The following DDC variants were observed in gnomAD, a reference collection of about 807,000 sequenced individuals.
DDC encodes the protein aromatic-L-amino-acid decarboxylase.
DDC carries 43 observed loss-of-function variants against 60.0 expected under a neutral mutation model. The ratio of observed to expected loss-of-function variants is 0.72; its 90% CI spans 0.56 to 0.92. The LOEUF is 0.92. DDC is among the 40% of genes least tolerant of loss of function. The pLI is 0.00. For missense variants in DDC, 573 were observed against 620.2 expected (o/e 0.92, Z 0.81); for synonymous variants, 232 against 234.6 (o/e 0.99, Z 0.10).
chr7:50,530,456 C>T (rs990500117), intron 4 of DDC, among the ~76,000 whole-genome samples: 3 of 152,154 alleles, frequency 2.0e-5, no homozygotes, highest in Non-Finnish European at 2.9e-5. Context: ...TTCTTCGATC[C>T]ACCCAGTCAG....
At chr7:50,459,950 C>T (rs1304064500) in intron 14 of DDC, among the ~76,000 whole-genome samples, 14 of 144,078 alleles carry the variant, frequency 9.7e-5, no homozygotes, top group East Asian at 4.3e-4. Flanking sequence ...GCCCCCTGCC[C>T]GGCCAGCCGC....
intron 9 of DDC, chr7:50,492,936 ACTC>A: frequency 6.3e-7 from 1 of 1,597,376 alleles, no homozygotes; most frequent in Non-Finnish European, 8.5e-7. Flanking sequence ...GAAAGGCTCA[ACTC>A]CTTCTCACCA....
intron 1 of DDC, among the ~76,000 whole-genome samples, chr7:50,544,984 A>G (rs1184244484): frequency 6.6e-6 from 1 of 152,040 alleles, no homozygotes; most frequent in Non-Finnish European, 1.5e-5. Context: ...TCTAACACAT[A>G]TATTTTCTCC....
intron 6 of DDC, among the ~76,000 whole-genome samples, chr7:50,526,883 C>T (rs2044050781): frequency 6.6e-6 from 1 of 152,136 alleles, no homozygotes; most frequent in South Asian, 2.1e-4. Context: ...AAGGGCATCT[C>T]CTAGTGATAA....
intron 1 of DDC, among the ~76,000 whole-genome samples, chr7:50,551,512 C>T (rs1438039962): frequency 1.3e-5 from 2 of 152,106 alleles, no homozygotes; most frequent in Non-Finnish European, 2.9e-5. Flanking sequence ...GGATTACAGG[C>T]GTGAGCCACC....
chr7:50,469,255 TAAAA>T (rs755613984), intron 12 of DDC, among the ~76,000 whole-genome samples: 10 of 56,562 alleles, frequency 1.8e-4, no homozygotes, highest in East Asian at 6.2e-4. Flanking sequence ...ATTGTTATTT[TAAAA>T]AAAAAAAAAA....
At chr7:50,519,376 C>G (rs1036994171) in intron 6 of DDC, among the ~76,000 whole-genome samples, 1 of 152,172 alleles carries the variant, frequency 6.6e-6, no homozygotes, top group African/African-American at 2.4e-5. Flanking sequence ...TTTGATCCAG[C>G]AATCCCACTA....
At chr7:50,497,660 G>A (rs771162749) in intron 8 of DDC, among the ~76,000 whole-genome samples, 16 of 152,270 alleles carry the variant, frequency 1.1e-4, no homozygotes, top group Non-Finnish European at 1.8e-4. Context: ...TATATCAGCT[G>A]GGTACTGGCA....
At chr7:50,510,938 G>A (rs1245153778) in intron 6 of DDC, among the ~76,000 whole-genome samples, 6 of 130,716 alleles carry the variant, frequency 4.6e-5, no homozygotes, top group African/African-American at 8.7e-5. Flanking sequence ...CCGAGATAGC[G>A]CCACTGCACT....
intron 1 of DDC, among the ~76,000 whole-genome samples, chr7:50,556,866 TAGAA>T (rs2045206309): frequency 1.3e-5 from 2 of 152,152 alleles, no homozygotes; most frequent in Admixed American, 1.3e-4. Context: ...TCATGAAGAA[TAGAA>T]AGAATGGTGG....
chr7:50,463,545 A>T, intron 13 of DDC, 114 bp from the exon 14 acceptor site: 1 of 873,376 alleles, frequency 1.1e-6, no homozygotes, highest in South Asian at 1.4e-5. Context: ...GAAGAAGCCG[A>T]CTAACCATCC....
chr7:50,498,203 G>A (rs138697025), intron 8 of DDC, among the ~76,000 whole-genome samples: 42 of 152,296 alleles, frequency 2.8e-4, no homozygotes, highest in East Asian at 1.5e-3. Context: ...TATCTAACTC[G>A]CCCAAGGGTA....
intron 13 of DDC, among the ~76,000 whole-genome samples, chr7:50,465,778 AAAC>A (rs1471053922): frequency 2.2e-4 from 34 of 152,370 alleles, no homozygotes; most frequent in Admixed American, 2.2e-3. Flanking sequence ...ACAAGAATGA[AAAC>A]AACTGCTTGA....
intron 1 of DDC, among the ~76,000 whole-genome samples, chr7:50,561,416 G>A (rs2045342887): frequency 6.6e-6 from 1 of 152,144 alleles, no homozygotes; most frequent in Non-Finnish European, 1.5e-5. Context: ...CGTGGCATTT[G>A]GGGAGTGCTC....
intron 6 of DDC, among the ~76,000 whole-genome samples, chr7:50,512,461 G>A (rs1029424237): frequency 3.9e-5 from 6 of 152,158 alleles, no homozygotes; most frequent in Non-Finnish European, 5.9e-5. Context: ...TTCAATATAA[G>A]GGTTGGACAG....
chr7:50,473,896 T>A (rs2042585204), intron 11 of DDC, among the ~76,000 whole-genome samples: 1 of 152,192 alleles, frequency 6.6e-6, no homozygotes, highest in African/African-American at 2.4e-5. Context: ...AGGGCCTGCG[T>A]GGTCTGCGCC....
At chr7:50,536,090 A>C (rs2044400207) in intron 4 of DDC, among the ~76,000 whole-genome samples, 1 of 152,204 alleles carries the variant, frequency 6.6e-6, no homozygotes, top group Non-Finnish European at 1.5e-5. Flanking sequence ...AAAAAGCTAC[A>C]TGCCTCCCTC....
intron 9 of DDC, among the ~76,000 whole-genome samples, chr7:50,489,864 G>A (rs1167143898): frequency 6.6e-6 from 1 of 152,118 alleles, no homozygotes; most frequent in African/African-American, 2.4e-5. Flanking sequence ...ATTATAAAAG[G>A]TTATAAAATG....
chr7:50,522,650 A>G (rs78069522), intron 6 of DDC, among the ~76,000 whole-genome samples: 13,270 of 152,310 alleles, frequency 0.087, 674 homozygotes, highest in South Asian at 0.12. Context: ...AATTCAATGG[A>G]GGAAGTGTAG....
Sources: gnomAD v4.1 joint callset for allele counts (sites outside exome capture counted in the v4.1 genomes callset) on GRCh38, gnomAD v4.1.1 for gene constraint, MANE v1.5 for transcripts, NCBI Gene and HGNC (gene_info 2026-07-23, HGNC 2026-07-21) for gene names.